The following IDE variants were observed in gnomAD, a reference collection of about 807,000 sequenced individuals.
The protein encoded by IDE is insulin degrading enzyme.
Under a neutral mutation model 133.2 loss-of-function variants are expected in IDE, and 58 were observed. That is an observed-to-expected ratio of 0.44 (90% CI 0.35 to 0.54). The LOEUF (loss-of-function observed/expected upper bound fraction) is 0.54. Among genes scored for constraint, IDE ranks in the 20% least tolerant of loss-of-function variants. The probability of loss-of-function intolerance (pLI) is 0.00; values close to 1 mark genes in which losing one functional copy is unlikely to be tolerated. For synonymous variants in IDE, 396 were observed against 421.3 expected (o/e 0.94, Z 0.73); for missense variants, 981 against 1,234.0 (o/e 0.79, Z 3.07).
In IDE at chr10:92,526,047, T is replaced by C. The variant is rs141029792; in HGVS notation, c.661+5701A>G. Reference sequence around the variant, plus strand: ...GGTGCAAGCCTGTAATCCCATCTACTTGGGAGGCTGAGGCAGAATTACTTG... The same window carrying C: ...GGTGCAAGCCTGTAATCCCATCTACCTGGGAGGCTGAGGCAGAATTACTTG... On this transcript the variant is annotated intron_variant, in intron 4 of 24. Transcript: ENST00000265986. Among the ~76,000 whole-genome samples the C allele has an allele frequency of 1.6e-3, 238 of 151,774 alleles. 1 individual carries two copies. The highest frequency in any genetic ancestry group is 2.7e-3 in the Non-Finnish European group (182 of 67,914).
chr10:92,479,612 T>TGTGA lies in IDE; in HGVS notation c.1740-192_1740-191insTCAC, dbSNP rs1846488040. The TGTGA allele has an allele frequency of 2.8e-5, 4 of 142,056 alleles. No individual in the cohort carries two copies. The Admixed American group carries it at 3.4e-4, about 12-fold the overall frequency. The allele number at this position is 142,056 out of a possible 1,614,324, so 8.8% of individuals were successfully genotyped here. A position where few individuals can be genotyped will look rare whatever the true frequency, so the allele number is the denominator to read the frequency against. On this transcript the variant is annotated intron_variant, in intron 14 of 24. Coordinates refer to ENST00000265986, the MANE Select transcript of IDE (RefSeq NM_004969.4). ...AAAAGAAGCCTGAAGTGTGTGTGAGTGTGTGTGTGTGTGTGTGCATGCGTG... is the reference window on the plus strand; with the variant it reads ...AAAAGAAGCCTGAAGTGTGTGTGAGTGTGAGTGTGTGTGTGTGTGTGCATGCGTG...
intron 20 of IDE, among the ~76,000 whole-genome samples, chr10:92,464,517 C>A (rs1030796429): frequency 6.6e-6 from 1 of 152,194 alleles, no homozygotes; most frequent in African/African-American, 2.4e-5. Flanking sequence ...CATGTTATCT[C>A]ATGAGGACAT....
chr10:92,525,623 T>A (rs540832151), intron 4 of IDE, among the ~76,000 whole-genome samples: 1 of 151,814 alleles, frequency 6.6e-6, no homozygotes, highest in African/African-American at 2.4e-5. Context: ...AATCTTATAT[T>A]TAGAAAAACC....
At chr10:92,537,976 A>G (rs929928083) in intron 1 of IDE, among the ~76,000 whole-genome samples, 2 of 151,938 alleles carry the variant, frequency 1.3e-5, no homozygotes, top group Non-Finnish European at 2.9e-5. Flanking sequence ...AGTGGACCTC[A>G]TCCTCCTGTC....
At chr10:92,481,307 TG>T (rs1175537042) in intron 14 of IDE, among the ~76,000 whole-genome samples, 2 of 152,108 alleles carry the variant, frequency 1.3e-5, no homozygotes, top group African/African-American at 4.8e-5. Flanking sequence ...CCTGGCAAGG[TG>T]GCATACGCCT....
chr10:92,508,321 C>T (rs901276822), intron 7 of IDE, 116 bp from the exon 8 acceptor site: 22 of 802,172 alleles, frequency 2.7e-5, no homozygotes, highest in Middle Eastern at 2.3e-4. Flanking sequence ...GAACCTCTTG[C>T]GAAAAGATTG....
chr10:92,483,169 C>G (rs1846723004), intron 14 of IDE, 86 bp downstream of exon 14: 1 of 663,294 alleles, frequency 1.5e-6, no homozygotes, highest in South Asian at 1.8e-5. Context: ...TATTTCTAGA[C>G]ATGGATGTTT....
At chr10:92,468,364 G>A (rs1589373853) in intron 19 of IDE, among the ~76,000 whole-genome samples, 1 of 152,130 alleles carries the variant, frequency 6.6e-6, no homozygotes, top group Non-Finnish European at 1.5e-5. Flanking sequence ...TTTATCAGAA[G>A]AAGCCACTGT....
rs1382432139 is a variant in IDE at position 92,454,544 on chromosome 10, A to G, written c.2965-5T>C. ...CATGTTCTGAATCACTTCAGGCTGC[A>G]AAGAAAAAAGTTTCCTTTTAGTGTA... is the stretch of plus-strand genomic sequence containing the variant. On this transcript the variant is annotated splice_region_variant and splice_polypyrimidine_tract_variant and intron_variant, in intron 24 of 24. Transcript: ENST00000265986. The G allele has an allele frequency of 1.2e-6, 2 of 1,610,480 alleles. No homozygotes were observed. The highest frequency in any genetic ancestry group is 2.2e-5 in the South Asian group (2 of 91,006).
intron 1 of IDE, among the ~76,000 whole-genome samples, chr10:92,553,760 T>C (rs1350802379): frequency 6.6e-6 from 1 of 152,036 alleles, no homozygotes; most frequent in African/African-American, 2.4e-5. Context: ...CCTAGACACA[T>C]ACAACCTACC....
Position 92,508,781 on chromosome 10 carries a change from T to C in IDE, c.1007A>G (p.His336Arg). 6.2e-7 allele frequency: 1 copy of C among 1,614,080 alleles called. No homozygotes were observed. Among genetic ancestry groups the C allele is most frequent in the East Asian group, 2.2e-5 (1 of 44,884 alleles). ...TCCAGGACCTTCATGCCCAATGAGA[T>C]GACCAAGATAATGACCAGGATTTGA... ...YKSNPGHYLG[H>R]LIGHEGPGSL... is the part of the protein sequence containing the mutation. Residue 336 changes from histidine (H) to arginine (R), a missense_variant, in exon 7 of 25, where the codon CAT (histidine) becomes CGT (arginine). His to Arg is a conservative substitution (Grantham distance 29). Around this residue, in one of 2 missense-constraint regions of IDE, gnomAD observed 660 missense variants for 894.7 expected, o/e 0.74. Coordinates refer to ENST00000265986, the MANE Select transcript of IDE (RefSeq NM_004969.4).
chr10:92,510,205 TAACATCC>T, intron 5 of IDE, 43 bp from the exon 6 acceptor site: 1 of 1,028,076 alleles, frequency 9.7e-7, no homozygotes, highest in Non-Finnish European at 1.5e-6. Flanking sequence ...AAGCGAATCA[TAACATCC>T]AACAGGGAGT....
intron 11 of IDE, among the ~76,000 whole-genome samples, chr10:92,500,613 T>G (rs12249976): frequency 0.063 from 9,577 of 152,264 alleles, 1,024 homozygotes; most frequent in African/African-American, 0.22. Flanking sequence ...ACCATGTATG[T>G]GTGGAACTAT....
At chr10:92,559,343 A>G (rs968875063) in intron 1 of IDE, 10 of 152,246 alleles carry the variant, frequency 6.6e-5, no homozygotes, top group Non-Finnish European at 1.5e-4. Context: ...AGTATTATTC[A>G]TTATATCTCA....
At chr10:92,474,382 A>G (rs1173514387) in intron 17 of IDE, 1 of 152,438 alleles carries the variant, frequency 6.6e-6, no homozygotes, top group African/African-American at 2.4e-5. Flanking sequence ...GAAATCTAAA[A>G]GTAGTAATAA....
chr10:92,498,093 A>G (rs2135495875), intron 11 of IDE, among the ~76,000 whole-genome samples: 1 of 152,374 alleles, frequency 6.6e-6, no homozygotes, highest in Middle Eastern at 3.4e-3. Flanking sequence ...ATACAGATAA[A>G]GCACTATCCC....
chr10:92,530,015 C>G (rs1428988193), intron 4 of IDE, among the ~76,000 whole-genome samples: 3 of 152,026 alleles, frequency 2.0e-5, no homozygotes, highest in Non-Finnish European at 2.9e-5. Flanking sequence ...CACCTGAGAT[C>G]AGGATTTTGA....
In IDE at chr10:92,517,976, T is replaced by C. The variant is rs185790035; in HGVS notation, c.662-2934A>G. The stretch of plus-strand genomic sequence containing the variant: ...TAAATAAGACCTAGTTCTGCTTTAC[T>C]GCCCAGAGAGGTCCTGAGACATTCT... On this transcript the variant is annotated intron_variant, in intron 4 of 24. Coordinates refer to ENST00000265986, the MANE Select transcript of IDE (RefSeq NM_004969.4). 3.7e-4 allele frequency among the ~76,000 whole-genome samples: 57 copies of C among 152,276 alleles called. 1 individual carries two copies. Among genetic ancestry groups the C allele is most frequent in the Admixed American group, 3.5e-3 (53 of 15,288 alleles).
At chr10:92,540,239 C>T (rs1365648190) in intron 1 of IDE, among the ~76,000 whole-genome samples, 4 of 148,944 alleles carry the variant, frequency 2.7e-5, no homozygotes, top group Admixed American at 2.0e-4. Flanking sequence ...AGCGAGACTC[C>T]GTCTCAAAAG....
Sources: gnomAD v4.1 joint callset for allele counts (sites outside exome capture counted in the v4.1 genomes callset) on GRCh38, gnomAD v4.1.1 for gene constraint, gnomAD v4.1.1 regional missense constraint, MANE v1.5 for transcripts, NCBI Gene and HGNC (gene_info 2026-07-23, HGNC 2026-07-21) for gene names.